Variants in ZCCHC4 observed in about 807,000 individuals in gnomAD.
The protein encoded by ZCCHC4 is rRNA N(6)-adenosine-methyltransferase ZCCHC4.
In ZCCHC4, 54 loss-of-function variants were observed where a neutral mutation model predicts 67.7. The observed-to-expected ratio is 0.80, with a 90% CI of 0.64 to 1.00. The LOEUF is 1.00. ZCCHC4 is among the 50% of genes least tolerant of loss of function. The pLI, the probability that ZCCHC4 is intolerant of heterozygous loss-of-function variation, is 0.00. For synonymous variants in ZCCHC4, 198 were observed against 213.5 expected (o/e 0.93, Z 0.63); for missense variants, 609 against 617.0 (o/e 0.99, Z 0.14).
chr4:25,321,913 G>T (rs1306719269), intron 3 of ZCCHC4, among the ~76,000 whole-genome samples: 3 of 152,122 alleles, frequency 2.0e-5, no homozygotes, highest in East Asian at 1.9e-4. Flanking sequence ...GAATCATAGG[G>T]TGATGGCAAT....
chr4:25,325,241 CAAAA>C (rs11318046), intron 3 of ZCCHC4, among the ~76,000 whole-genome samples: 31,588 of 70,564 alleles, frequency 0.45, 5,825 homozygotes, highest in Non-Finnish European at 0.54. Flanking sequence ...GACTCCGTCT[CAAAA>C]AAAAAAAAAA....
At position 25,349,590 on chromosome 4, in the gene ZCCHC4, G is replaced by T. The variant is rs376004814; in HGVS notation, c.858G>T (p.Leu286=). 1 of 1,613,938 alleles carries T rather than the reference G, an allele frequency of 6.2e-7. No individual in the cohort carries two copies. Among genetic ancestry groups the T allele is most frequent in the South Asian group, 1.1e-5 (1 of 91,064 alleles). Residue 286 remains leucine, a synonymous_variant, in exon 7 of 13, where the codon CTG becomes CTT. Coordinates refer to ENST00000302874, the MANE Select transcript of ZCCHC4 (RefSeq NM_024936.3). ...CGTTTGGTGGCTTGGTTGAACCTCTGGCTATTACATTCAAGAAGTTAATTG... is the reference window on the plus strand; with the variant it reads ...CGTTTGGTGGCTTGGTTGAACCTCTTGCTATTACATTCAAGAAGTTAATTG... ...DPPFGGLVEP[L]AITFKKLIAM... is the part of the protein sequence containing the mutation.
chr4:25,358,555 G>T (rs558536960), intron 8 of ZCCHC4, among the ~76,000 whole-genome samples: 7 of 152,316 alleles, frequency 4.6e-5, no homozygotes, highest in Non-Finnish European at 1.0e-4. Flanking sequence ...CTTTAATAAT[G>T]AAATTTTACT....
chr4:25,360,194 T>C (rs918119981), intron 8 of ZCCHC4, among the ~76,000 whole-genome samples: 10 of 152,228 alleles, frequency 6.6e-5, no homozygotes, highest in African/African-American at 2.4e-4. Flanking sequence ...TTAATGATAT[T>C]ATGCTAACCT....
chr4:25,324,014 G>GTTTTTTTTTTT lies in ZCCHC4; in HGVS notation c.329+8620_329+8630dup, dbSNP rs71188998. On this transcript the variant is annotated intron_variant, in intron 3 of 12. Transcript: ENST00000302874. ...TCGTACAGTATGTACTGTTTTTTGT[G>GTTTTTTTTTTT]TTTTTTTTTTTTTTTTGAGACAGAG... 4.8e-3 allele frequency among the ~76,000 whole-genome samples: 392 copies of GTTTTTTTTTTT among 82,388 alleles called. 64 individuals carry two copies. Among genetic ancestry groups the GTTTTTTTTTTT allele is most frequent in the East Asian group, 0.024 (67 of 2,800 alleles). 54.0% of individuals were successfully genotyped at this position (82,388 alleles called of 152,430 possible). A position where few individuals can be genotyped will look rare whatever the true frequency, so the allele number is the denominator to read the frequency against.
intron 5 of ZCCHC4, among the ~76,000 whole-genome samples, chr4:25,340,070 A>G (rs2324674): frequency 0.82 from 124,816 of 151,954 alleles, 51,531 homozygotes; most frequent in African/African-American, 0.89. Flanking sequence ...AGCTTTCACC[A>G]TGTTAGCCAG....
At chr4:25,325,912 G>A (rs1346687061) in intron 3 of ZCCHC4, among the ~76,000 whole-genome samples, 1 of 152,038 alleles carries the variant, frequency 6.6e-6, no homozygotes, top group Non-Finnish European at 1.5e-5. Flanking sequence ...TATCTGCTGT[G>A]GGATTAGAGA....
In ZCCHC4 at chr4:25,351,976, G is replaced by A. The variant is rs892125984; in HGVS notation, c.1011+287G>A. ...CTTGGGTGACTCCAAGTGTGCTAGG[G>A]TTTAGAGCGGCTGATTTAGTCTTTC... On this transcript the variant is annotated intron_variant, in intron 8 of 12. Coordinates refer to ENST00000302874, the MANE Select transcript of ZCCHC4 (RefSeq NM_024936.3). The A allele has an allele frequency of 1.3e-5, 14 of 1,061,014 alleles. No homozygotes were observed. In the African/African-American group the frequency reaches 1.7e-4, roughly 13 times the overall value. The allele number at this position is 1,061,014 out of a possible 1,614,324, so 65.7% of individuals were successfully genotyped here. A position where few individuals can be genotyped will look rare whatever the true frequency, so the allele number is the denominator to read the frequency against.
At position 25,359,677 on chromosome 4, in the gene ZCCHC4, A is replaced by G. The variant is rs1246892747; in HGVS notation, c.1012-2182A>G. ...GCCAGGGTCGACTAGGAGAGAATTG[A>G]TAAGCAGCCCAGTGAACTTTGTGGA... On this transcript the variant is annotated intron_variant, in intron 8 of 12. Coordinates refer to ENST00000302874, the MANE Select transcript of ZCCHC4 (RefSeq NM_024936.3). This position sits in a 1 kb window ranked among gnomAD's most constrained non-coding sequence, Gnocchi z 4.9. Among the ~76,000 whole-genome samples, 1 of 152,230 alleles carries G rather than the reference A, an allele frequency of 6.6e-6. No individual in the cohort carries two copies. The highest frequency in any genetic ancestry group is 1.5e-5 in the Non-Finnish European group (1 of 68,042).
chr4:25,323,496 C>T (rs763702272), intron 3 of ZCCHC4, among the ~76,000 whole-genome samples: 1 of 151,834 alleles, frequency 6.6e-6, no homozygotes, highest in African/African-American at 2.4e-5. Flanking sequence ...TGATATAGCA[C>T]TTTTGGAATT....
intron 3 of ZCCHC4, among the ~76,000 whole-genome samples, chr4:25,325,262 A>T (rs1164778346): frequency 1.3e-5 from 2 of 148,430 alleles, no homozygotes; most frequent in East Asian, 3.9e-4. Context: ...AAAAAAAAAA[A>T]AGAAATATTT....
rs770202996 is a variant in ZCCHC4, at chr4:25,333,370, T to G, written c.517T>G (p.Tyr173Asp). The change falls in exon 4 of 13, where the codon TAT becomes GAT. Residue 173 changes from tyrosine (Y) to aspartate (D), a missense_variant. Coordinates refer to ENST00000302874, the MANE Select transcript of ZCCHC4 (RefSeq NM_024936.3). ...PLENKKTNAQ[Y>D]LFADRSCQFL... ...GGAAAACAAGAAGACAAATGCCCAGTATCTGTTTGCTGATCGGAGCTGTCA... is the reference window on the plus strand; with the variant it reads ...GGAAAACAAGAAGACAAATGCCCAGGATCTGTTTGCTGATCGGAGCTGTCA... The G allele has an allele frequency of 4.3e-6, 7 of 1,614,152 alleles. No individual in the cohort carries two copies. In the South Asian group the frequency reaches 7.7e-5, roughly 18 times the overall value.
intron 11 of ZCCHC4, among the ~76,000 whole-genome samples, chr4:25,364,794 A>G (rs1720878419): frequency 6.6e-6 from 1 of 152,190 alleles, no homozygotes; most frequent in Non-Finnish European, 1.5e-5. Context: ...TCAGCTCATA[A>G]CTCATTGGAG....
intron 8 of ZCCHC4, among the ~76,000 whole-genome samples, chr4:25,357,629 A>G (rs1720567707): frequency 6.6e-6 from 1 of 152,142 alleles, no homozygotes; most frequent in African/African-American, 2.4e-5. Context: ...CTTGTCCTCA[A>G]TTTCTTACAT....
intron 9 of ZCCHC4, 108 bp from the exon 10 acceptor site, chr4:25,362,118 T>C (rs1428416225): frequency 1.4e-6 from 2 of 1,450,760 alleles, no homozygotes; most frequent in Non-Finnish European, 1.9e-6. Flanking sequence ...TCATACTTAA[T>C]TGAATTCAGA....
At position 25,365,183 on chromosome 4, in the gene ZCCHC4, A is replaced by C; in HGVS notation, c.1406+17A>C. 1 of 1,613,110 alleles carries C rather than the reference A, an allele frequency of 6.2e-7. No homozygotes were observed. Among genetic ancestry groups the C allele is most frequent in the Non-Finnish European group, 8.5e-7 (1 of 1,179,436 alleles). ...AGCTAACAAGTCAGTCGAATACTTTACTAGAAAAATGTATTCCATCTGTGT... is the reference window on the plus strand; with the variant it reads ...AGCTAACAAGTCAGTCGAATACTTTCCTAGAAAAATGTATTCCATCTGTGT... On this transcript the variant is annotated intron_variant, in intron 12 of 12. Coordinates refer to ENST00000302874, the MANE Select transcript of ZCCHC4 (RefSeq NM_024936.3).
intron 5 of ZCCHC4, among the ~76,000 whole-genome samples, chr4:25,337,521 G>C (rs1719515323): frequency 6.6e-6 from 1 of 152,166 alleles, no homozygotes; most frequent in African/African-American, 2.4e-5. Flanking sequence ...AGCCTGGCTG[G>C]GGTCACTTGC....
At chr4:25,363,442 T>G (rs890947675) in intron 10 of ZCCHC4, among the ~76,000 whole-genome samples, 5 of 152,232 alleles carry the variant, frequency 3.3e-5, no homozygotes, top group African/African-American at 1.2e-4. Flanking sequence ...TGTTTCCAAG[T>G]TTTGGCAATT....
At chr4:25,327,329 C>A (rs796123836) in intron 3 of ZCCHC4, among the ~76,000 whole-genome samples, 14 of 151,990 alleles carry the variant, frequency 9.2e-5, no homozygotes, top group African/African-American at 2.7e-4. Context: ...TCTTTGATGC[C>A]CTTTATCAGA....
Sources: allele counts gnomAD v4.1 joint callset (sites outside exome capture counted in the v4.1 genomes callset), GRCh38; gene constraint gnomAD v4.1.1; non-coding constraint Gnocchi (gnomAD v3.1); transcripts MANE v1.5; gene names NCBI Gene and HGNC (gene_info 2026-07-23, HGNC 2026-07-21).